The following ADAMTS14 variants were observed in gnomAD, a reference collection of about 807,000 sequenced individuals.
ADAMTS14 encodes ADAM metallopeptidase with thrombospondin type 1 motif 14.
Under a neutral mutation model 128.6 loss-of-function variants are expected in ADAMTS14, and 100 were observed. The observed-to-expected ratio is 0.78, with a 90% CI of 0.66 to 0.92. The LOEUF (loss-of-function observed/expected upper bound fraction) is 0.92. Among genes scored for constraint, ADAMTS14 ranks in the 40% least tolerant of loss-of-function variants. The pLI is 0.00. For missense variants in ADAMTS14, 1,562 were observed against 1,658.6 expected (o/e 0.94, Z 1.01); for synonymous variants, 665 against 653.8 (o/e 1.02, Z -0.26).
At position 70,751,487 on chromosome 10, in the gene ADAMTS14, C is replaced by T. The variant is rs528095489; in HGVS notation, c.2437C>T (p.Pro813Ser). The T allele has an allele frequency of 6.5e-5, 105 of 1,604,982 alleles. No homozygotes were observed. Among genetic ancestry groups the T allele is most frequent in the African/African-American group, 9.4e-5 (7 of 74,798 alleles). Residue 813 changes from proline (P) to serine (S), a missense_variant, in exon 17 of 22, where the codon CCA becomes TCA. Coordinates refer to ENST00000373207, the MANE Select transcript of ADAMTS14 (RefSeq NM_080722.4). The stretch of plus-strand genomic sequence containing the variant: ...CCCCATCTCCCCTCAGGCTCTCCCC[C>T]CAACTGAGGGTGGCCCCCGCAGCAG... ...PEAIAILALP[P>S]TEGGPRSSLA...
intron 16 of ADAMTS14, 46 bp downstream of exon 16, chr10:70,750,031 TC>T (rs772268976): frequency 1.4e-5 from 23 of 1,596,842 alleles, no homozygotes; most frequent in Non-Finnish European, 2.0e-5. Context: ...ACCCCACTTG[TC>T]CCCTTAGCTC....
chr10:70,698,101 T>G (rs1840389015), intron 2 of ADAMTS14, among the ~76,000 whole-genome samples: 1 of 152,216 alleles, frequency 6.6e-6, no homozygotes, highest in Admixed American at 6.5e-5. Context: ...ATTCTTTGTT[T>G]TAGTTTTACT....
At chr10:70,718,676 G>C (rs540017721) in intron 4 of ADAMTS14, among the ~76,000 whole-genome samples, 1 of 147,004 alleles carries the variant, frequency 6.8e-6, no homozygotes, top group South Asian at 2.2e-4. Context: ...GTGAGCCAGG[G>C]TGCCCAGCCT....
chr10:70,745,307 G>A lies in ADAMTS14; in HGVS notation c.2263+1G>A. 2.5e-6 allele frequency: 4 copies of A among 1,612,480 alleles called. No individual in the cohort carries two copies. The highest frequency in any genetic ancestry group is 3.4e-6 in the Non-Finnish European group (4 of 1,179,982). ...CTGGAGAAGTCCCCCCACCGCATTG[G>A]TGAGTGCTGGGGTGCTGGGAGGGGA... On this transcript the variant is annotated splice_donor_variant, in intron 15 of 21. Coordinates refer to ENST00000373207, the MANE Select transcript of ADAMTS14 (RefSeq NM_080722.4). LOFTEE classifies it high-confidence loss of function.
intron 8 of ADAMTS14, 64 bp from the exon 9 acceptor site, chr10:70,735,105 G>T (rs1841782878): frequency 6.4e-7 from 1 of 1,566,912 alleles, no homozygotes; most frequent in Non-Finnish European, 8.7e-7. Flanking sequence ...CCCAGCCCCT[G>T]GGAAGGGAAA....
intron 15 of ADAMTS14, 73 bp downstream of exon 15, chr10:70,745,379 C>T (rs1446804878): frequency 6.7e-7 from 1 of 1,483,248 alleles, no homozygotes; most frequent in South Asian, 1.1e-5. Flanking sequence ...AGCTGGGAGA[C>T]CAGAGGACAA....
chr10:70,678,501 G>A (rs994598008), intron 2 of ADAMTS14, among the ~76,000 whole-genome samples: 6 of 152,084 alleles, frequency 3.9e-5, no homozygotes, highest in African/African-American at 1.2e-4. Flanking sequence ...GGGCCTTCTG[G>A]GCAGGGGGAA....
At chr10:70,741,491 AG>A (rs1841998446) in intron 12 of ADAMTS14, among the ~76,000 whole-genome samples, 1 of 152,216 alleles carries the variant, frequency 6.6e-6, no homozygotes, top group Non-Finnish European at 1.5e-5. Context: ...GTTGGCTGTT[AG>A]GGTTGCCTGC....
chr10:70,689,738 G>A (rs1840130367), intron 2 of ADAMTS14, among the ~76,000 whole-genome samples: 1 of 145,390 alleles, frequency 6.9e-6, no homozygotes, highest in Non-Finnish European at 1.6e-5. Context: ...GTTACAATCC[G>A]AGTCCTCCAT....
chr10:70,742,848 A>G (rs772350698), intron 12 of ADAMTS14, among the ~76,000 whole-genome samples: 2 of 152,268 alleles, frequency 1.3e-5, no homozygotes, highest in Non-Finnish European at 2.9e-5. Context: ...TTTAATTGTT[A>G]GGACCAGAAA....
At chr10:70,718,134 C>G (rs1404374371) in intron 4 of ADAMTS14, among the ~76,000 whole-genome samples, 1 of 152,200 alleles carries the variant, frequency 6.6e-6, no homozygotes, top group East Asian at 1.9e-4. Context: ...GTTTGGAACA[C>G]CACAAAAACT....
intron 2 of ADAMTS14, among the ~76,000 whole-genome samples, chr10:70,678,604 G>A (rs528944580): frequency 1.3e-5 from 2 of 152,178 alleles, no homozygotes; most frequent in South Asian, 2.1e-4. Context: ...GCGGGGCAGG[G>A]GGGCTTGGTC....
At chr10:70,694,274 C>T (rs925807409) in intron 2 of ADAMTS14, among the ~76,000 whole-genome samples, 1 of 152,182 alleles carries the variant, frequency 6.6e-6, no homozygotes, top group African/African-American at 2.4e-5. Flanking sequence ...GTGAGTCGTC[C>T]CTTTGTGTGT....
At chr10:70,729,410 G>A (rs1401695818) in intron 5 of ADAMTS14, 33 bp downstream of exon 5, 1 of 1,576,216 alleles carries the variant, frequency 6.3e-7, no homozygotes, top group Non-Finnish European at 8.7e-7. Context: ...AGGGTTTGCG[G>A]GGAGAAGGGT....
chr10:70,736,565 C>CCTG (rs1399026763), intron 9 of ADAMTS14, 115 bp from the exon 10 acceptor site: 1 of 892,702 alleles, frequency 1.1e-6, no homozygotes, highest in Non-Finnish European at 1.6e-6. Context: ...GGCTGCCTTC[C>CCTG]CTGCAGTGCC....
In ADAMTS14 at chr10:70,711,008, C is replaced by G. The variant is rs560500898; in HGVS notation, c.870+2230C>G. ...GACAGCCCCTTAATGTCTCTGGGAC[C>G]TTGGGCAGGGGACCTGTGTTGCTCA... On this transcript the variant is annotated intron_variant, in intron 4 of 21. Transcript: ENST00000373207. Among the ~76,000 whole-genome samples the G allele has an allele frequency of 2.7e-4, 41 of 152,294 alleles. No homozygotes were observed. The South Asian group carries it at 8.1e-3, about 30-fold the overall frequency.
chr10:70,753,836 C>T lies in ADAMTS14; in HGVS notation c.2766C>T (p.Ser922=). 6.3e-7 allele frequency: 1 copy of T among 1,591,632 alleles called. No homozygotes were observed. The highest frequency in any genetic ancestry group is 8.5e-7 in the Non-Finnish European group (1 of 1,170,112). Residue 922 remains serine, a synonymous_variant, in exon 19 of 22, where the codon AGC becomes AGT. Coordinates refer to ENST00000373207, the MANE Select transcript of ADAMTS14 (RefSeq NM_080722.4). ...AGGAGTGGGGTGCCTGCAGCCGGAG[C>T]TGTGGGAAGCTGGGGGTGCAGACAC... ...VTEEWGACSR[S]CGKLGVQTRG...
chr10:70,753,948 C>G lies in ADAMTS14; in HGVS notation c.2878C>G (p.Arg960Gly), dbSNP rs539379037. The change falls in exon 19 of 22, where the codon CGA (arginine) becomes GGA (glycine). Residue 960 changes from arginine to glycine, a missense_variant. Coordinates refer to ENST00000373207, the MANE Select transcript of ADAMTS14 (RefSeq NM_080722.4). ...CTGCGCCGGGGACCGGCCTGAGGCC[C>G]GACGGCCCTGTCTCCGAGTGCCCTG... The part of the protein sequence containing the change: ...KACAGDRPEA[R>G]RPCLRVPCPA... 9 of 1,585,290 alleles carry G rather than the reference C, an allele frequency of 5.7e-6. No individual in the cohort carries two copies. The highest frequency in any genetic ancestry group is 2.7e-5 in the African/African-American group (2 of 74,630).
intron 3 of ADAMTS14, among the ~76,000 whole-genome samples, chr10:70,706,866 A>G (rs1245873321): frequency 7.9e-5 from 12 of 152,248 alleles, no homozygotes; most frequent in Admixed American, 7.8e-4. Context: ...AGCAGCGTAG[A>G]GGCGGCTCGG....
Sources: gnomAD v4.1 joint callset for allele counts (sites outside exome capture counted in the v4.1 genomes callset) on GRCh38, gnomAD v4.1.1 for gene constraint, MANE v1.5 for transcripts, NCBI Gene and HGNC (gene_info 2026-07-23, HGNC 2026-07-21) for gene names.